The following NRXN3 variants were observed in gnomAD, a reference collection of about 807,000 sequenced individuals.
NRXN3 encodes neurexin III.
Under a neutral mutation model 137.6 loss-of-function variants are expected in NRXN3, and 32 were observed. The ratio of observed to expected loss-of-function variants is 0.23; its 90% CI spans 0.18 to 0.31. NRXN3 has a LOEUF of 0.31. Ranked by LOEUF, NRXN3 falls within the 10% of genes least tolerant of loss-of-function variation. The pLI is 1.00. For missense variants in NRXN3, 1,574 were observed against 2,062.5 expected, an observed-to-expected ratio of 0.76 and a Z score of 4.59; for synonymous variants, 798 against 784.5, an observed-to-expected ratio of 1.02 and a Z score of -0.29.
Position 78,502,895 on chromosome 14 carries a change from C to T in NRXN3, c.758-142225C>T, listed in dbSNP as rs539567775. 7.2e-5 allele frequency among the ~76,000 whole-genome samples: 11 copies of T among 152,290 alleles called. No homozygotes were observed. In the South Asian group the frequency reaches 2.1e-3, roughly 29 times the overall value. On this transcript the variant is annotated intron_variant, in intron 4 of 20. Coordinates refer to ENST00000335750, the MANE Select transcript of NRXN3 (RefSeq NM_001330195.2). The stretch of plus-strand genomic sequence containing the variant: ...GCTCTTAAGATCTCTCTCCCATGGC[C>T]TGGTGCCATGAGTCTGTGTCCAGTG...
At chr14:78,639,182 T>C (rs1308073589) in intron 4 of NRXN3, among the ~76,000 whole-genome samples, 1 of 152,234 alleles carries the variant, frequency 6.6e-6, no homozygotes, top group Non-Finnish European at 1.5e-5. Context: ...CCACGTGTTT[T>C]TGTGCCTCAT....
intron 4 of NRXN3, among the ~76,000 whole-genome samples, chr14:78,505,170 A>G (rs2095962751): frequency 2.0e-5 from 3 of 152,128 alleles, no homozygotes; most frequent in Admixed American, 2.0e-4. Flanking sequence ...GTGCAGGCTG[A>G]AGTCAACCTA....
intron 19 of NRXN3, among the ~76,000 whole-genome samples, chr14:79,725,150 T>G (rs1603450462): frequency 6.6e-6 from 1 of 152,240 alleles, no homozygotes. Context: ...GGCTTTCAAG[T>G]CTTTTCAGGG....
In NRXN3 at chr14:79,519,078, C is replaced by G. The variant is rs1026836761; in HGVS notation, c.3444+51676C>G. 2.0e-5 allele frequency among the ~76,000 whole-genome samples: 3 copies of G among 152,092 alleles called. No individual in the cohort carries two copies. The South Asian group carries it at 6.2e-4, about 32-fold the overall frequency. On this transcript the variant is annotated intron_variant, in intron 16 of 20. Transcript: ENST00000335750. ...GTGCTTTCTTTTTCTAAGGGTGGCT[C>G]AGGTGACAGACAACTTCCTCCATTT... is the stretch of plus-strand genomic sequence containing the variant.
At chr14:78,348,882 T>G (rs555690682) in intron 4 of NRXN3, among the ~76,000 whole-genome samples, 1 of 152,126 alleles carries the variant, frequency 6.6e-6, no homozygotes, top group Non-Finnish European at 1.5e-5. Flanking sequence ...AGGCTGTCCT[T>G]TGTGGCAGAC....
chr14:78,333,107 C>A (rs1354592948), intron 4 of NRXN3, among the ~76,000 whole-genome samples: 1 of 152,192 alleles, frequency 6.6e-6, no homozygotes, highest in East Asian at 1.9e-4. Context: ...AAGTGCTAAT[C>A]TAGTTGTTGC....
rs561286554 is a variant in NRXN3, at chr14:78,210,998, C to T, written c.-703-31393C>T. Reference sequence around the variant, plus strand: ...TATTCTCCCAGTGCCTCCAGCCTCTCATCTGTTAAATGGGGTAATGATCAT... The same window carrying T: ...TATTCTCCCAGTGCCTCCAGCCTCTTATCTGTTAAATGGGGTAATGATCAT... On this transcript the variant is annotated intron_variant, in intron 1 of 20. Coordinates refer to ENST00000335750, the MANE Select transcript of NRXN3 (RefSeq NM_001330195.2). Among the ~76,000 whole-genome samples, 185 of 152,228 alleles carry T rather than the reference C, an allele frequency of 1.2e-3. 1 individual carries two copies. Among genetic ancestry groups the T allele is most frequent in the African/African-American group, 4.3e-3 (179 of 41,534 alleles).
At chr14:79,721,919 C>A (rs1410772507) in intron 19 of NRXN3, among the ~76,000 whole-genome samples, 3 of 151,924 alleles carry the variant, frequency 2.0e-5, no homozygotes, top group Non-Finnish European at 4.4e-5. Flanking sequence ...ACTTTTAATC[C>A]CTAGGATTTA....
intron 10 of NRXN3, among the ~76,000 whole-genome samples, chr14:78,834,489 A>C (rs765882314): frequency 3.3e-5 from 5 of 152,188 alleles, no homozygotes; most frequent in Non-Finnish European, 7.4e-5. Context: ...AAAAAGTTGC[A>C]TTATTTTAGG....
In NRXN3 at chr14:79,864,651, G is replaced by A. The variant is rs1198289975; in HGVS notation, c.*2687G>A. 1 of 152,168 alleles carries A rather than the reference G, an allele frequency of 6.6e-6. No homozygotes were observed. Among genetic ancestry groups the A allele is most frequent in the Non-Finnish European group, 1.5e-5 (1 of 68,030 alleles). 9.4% of individuals were successfully genotyped at this position (152,168 alleles called of 1,614,324 possible). ...TTGCTATGATAGAATAACCAGGAGG[G>A]AGTGCATTTTTCTGGAAAGATGATA... On this transcript the variant is annotated 3_prime_UTR_variant, in exon 21 of 21. Transcript: ENST00000335750.
chr14:79,552,332 C>G (rs977071004), intron 16 of NRXN3, among the ~76,000 whole-genome samples: 9 of 152,100 alleles, frequency 5.9e-5, no homozygotes, highest in African/African-American at 1.9e-4. Flanking sequence ...TGGGAAGTAG[C>G]CCAGCATTCT....
chr14:79,108,748 A>G (rs1382262944), intron 15 of NRXN3, among the ~76,000 whole-genome samples: 1 of 152,176 alleles, frequency 6.6e-6, no homozygotes, highest in African/African-American at 2.4e-5. Flanking sequence ...TACATACTCA[A>G]AAATAACTTG....
At chr14:79,161,593 T>C (rs942857740) in intron 15 of NRXN3, among the ~76,000 whole-genome samples, 17 of 151,928 alleles carry the variant, frequency 1.1e-4, no homozygotes, top group African/African-American at 3.9e-4. Flanking sequence ...GCGTGTTCAG[T>C]ATGTGTTTTG....
intron 2 of NRXN3, among the ~76,000 whole-genome samples, chr14:78,244,259 G>A (rs2067367490): frequency 6.6e-6 from 1 of 152,012 alleles, no homozygotes; most frequent in African/African-American, 2.4e-5. Flanking sequence ...ATGAAACCCT[G>A]TCTCTACTAA....
chr14:78,880,948 AC>A (rs1327235231), intron 10 of NRXN3, among the ~76,000 whole-genome samples: 1 of 152,102 alleles, frequency 6.6e-6, no homozygotes, highest in African/African-American at 2.4e-5. Flanking sequence ...CATGGGAGGG[AC>A]CCAGTGAGAA....
chr14:79,751,266 C>T (rs964146547), intron 19 of NRXN3, among the ~76,000 whole-genome samples: 12 of 152,086 alleles, frequency 7.9e-5, no homozygotes, highest in Non-Finnish European at 2.9e-5. Context: ...GTTTGTAGTT[C>T]TCCTTGAAGA....
At chr14:79,718,737 C>T (rs2098832053) in intron 19 of NRXN3, among the ~76,000 whole-genome samples, 1 of 152,192 alleles carries the variant, frequency 6.6e-6, no homozygotes, top group South Asian at 2.1e-4. Flanking sequence ...AAATCTTATG[C>T]TTAAGTCCAG....
intron 15 of NRXN3, among the ~76,000 whole-genome samples, chr14:79,330,330 A>G (rs1267856557): frequency 6.6e-6 from 1 of 152,162 alleles, no homozygotes; most frequent in African/African-American, 2.4e-5. Context: ...AAGTGTCACC[A>G]GGATGTGGAG....
chr14:78,893,249 T>C (rs894566569), intron 10 of NRXN3, among the ~76,000 whole-genome samples: 2 of 152,014 alleles, frequency 1.3e-5, no homozygotes, highest in African/African-American at 2.4e-5. Flanking sequence ...GTTGGCATAA[T>C]TGATTCCCTG....
Sources: gnomAD v4.1 joint callset for allele counts (sites outside exome capture counted in the v4.1 genomes callset) on GRCh38, gnomAD v4.1.1 for gene constraint, MANE v1.5 for transcripts, NCBI Gene and HGNC (gene_info 2026-07-23, HGNC 2026-07-21) for gene names.